ADGRL3: variants seen among roughly 807,000 people sequenced by gnomAD.
ADGRL3 encodes the protein calcium-independent alpha-latrotoxin receptor 3.
A neutral mutation model predicts 153.5 loss-of-function variants in ADGRL3; 62 were observed. The observed-to-expected ratio is 0.40, with a 90% CI of 0.33 to 0.50. ADGRL3 has a LOEUF of 0.50. Ranked by LOEUF, ADGRL3 falls within the 20% of genes least tolerant of loss-of-function variation. The pLI is 0.47. For missense variants in ADGRL3, 1,641 were observed against 1,859.4 expected (o/e 0.88, Z 2.16); for synonymous variants, 710 against 672.5 (o/e 1.06, Z -0.86).
At chr4:61,477,877 A>T (rs1366413985) in intron 2 of ADGRL3, among the ~76,000 whole-genome samples, 1 of 152,022 alleles carries the variant, frequency 6.6e-6, no homozygotes, top group East Asian at 1.9e-4. Flanking sequence ...TGTGGAAAAA[A>T]CTTGTCAATT....
chr4:61,885,546 A>G (rs2098533620), intron 9 of ADGRL3, among the ~76,000 whole-genome samples: 1 of 152,170 alleles, frequency 6.6e-6, no homozygotes, highest in Admixed American at 6.5e-5. Flanking sequence ...TGTTCAGAAT[A>G]TTGCCGGGCC....
At position 61,949,841 on chromosome 4, in the gene ADGRL3, T is replaced by C. The variant is rs540319188; in HGVS notation, c.2805+1565T>C. 1.6e-3 allele frequency among the ~76,000 whole-genome samples: 239 copies of C among 152,340 alleles called. 3 individuals carry two copies. Among genetic ancestry groups the C allele is most frequent in the Non-Finnish European group, 3.7e-4 (25 of 68,030 alleles). On this transcript the variant is annotated intron_variant, in intron 17 of 26. Coordinates refer to ENST00000683033, the MANE Select transcript of ADGRL3 (RefSeq NM_001387552.1). ...TATTTGTCATTAGAACTAGCATTGG[T>C]ATTTTGCTTTGGTAGGGAAAAGCAC...
chr4:61,686,423 C>T (rs1016802275), intron 6 of ADGRL3, among the ~76,000 whole-genome samples: 7 of 152,008 alleles, frequency 4.6e-5, no homozygotes, highest in African/African-American at 1.7e-4. Context: ...CTACTCCAAT[C>T]ATGAATCTTA....
chr4:61,402,740 G>A (rs1322024842), intron 2 of ADGRL3, among the ~76,000 whole-genome samples: 2 of 152,130 alleles, frequency 1.3e-5, no homozygotes, highest in East Asian at 3.9e-4. Flanking sequence ...GCTGGCAACT[G>A]CCAGAAAGTT....
Position 62,010,260 on chromosome 4 carries a change from C to T in ADGRL3, c.3395+11995C>T, listed in dbSNP as rs545455556. ...AATGTTAGCTTGGTCCTTCTGCGAA[C>T]GAGGCCCCATGCTGAAGTTATCTAG... On this transcript the variant is annotated intron_variant, in intron 21 of 26. Coordinates refer to ENST00000683033, the MANE Select transcript of ADGRL3 (RefSeq NM_001387552.1). Among the ~76,000 whole-genome samples, 116 of 152,158 alleles carry T rather than the reference C, an allele frequency of 7.6e-4. 1 individual carries two copies. Among genetic ancestry groups the T allele is most frequent in the African/African-American group, 2.5e-3 (103 of 41,518 alleles).
At chr4:61,966,677 A>G (rs1388135239) in intron 17 of ADGRL3, among the ~76,000 whole-genome samples, 3 of 152,104 alleles carry the variant, frequency 2.0e-5, no homozygotes, top group South Asian at 2.1e-4. Flanking sequence ...AAATGAGCCC[A>G]GAAAACTCTG....
At chr4:61,543,596 A>C (rs1471995858) in intron 4 of ADGRL3, among the ~76,000 whole-genome samples, 1 of 152,170 alleles carries the variant, frequency 6.6e-6, no homozygotes, top group African/African-American at 2.4e-5. Context: ...TAGAAAACTT[A>C]ATACATTCTC....
intron 8 of ADGRL3, among the ~76,000 whole-genome samples, chr4:61,804,594 C>T (rs1045398345): frequency 6.6e-6 from 1 of 152,162 alleles, no homozygotes; most frequent in African/African-American, 2.4e-5. Context: ...TTTCACTCTT[C>T]TCTCAGCTAA....
At chr4:61,338,377 A>G (rs1179812917) in intron 1 of ADGRL3, among the ~76,000 whole-genome samples, 1 of 142,758 alleles carries the variant, frequency 7.0e-6, no homozygotes, top group Non-Finnish European at 1.5e-5. Flanking sequence ...TAGTATGATT[A>G]TCATTCAGTG....
chr4:62,063,396 G>A, intron 25 of ADGRL3: 2 of 531,840 alleles, frequency 3.8e-6, no homozygotes, highest in East Asian at 2.9e-5. Flanking sequence ...CCTGTAATCA[G>A]GACTGTATCA....
intron 1 of ADGRL3, among the ~76,000 whole-genome samples, chr4:61,203,624 T>C (rs192141010): frequency 1.3e-5 from 2 of 152,234 alleles, no homozygotes; most frequent in Admixed American, 1.3e-4. Flanking sequence ...AAGAATGTCA[T>C]CGTAGAATCT....
At chr4:61,572,467 C>T (rs955424955) in intron 4 of ADGRL3, among the ~76,000 whole-genome samples, 10 of 151,984 alleles carry the variant, frequency 6.6e-5, no homozygotes, top group South Asian at 6.2e-4. Context: ...TAAAATTCTT[C>T]GTGTACCCAG....
intron 1 of ADGRL3, among the ~76,000 whole-genome samples, chr4:61,298,565 T>G (rs1034166219): frequency 6.6e-6 from 1 of 152,210 alleles, no homozygotes; most frequent in Non-Finnish European, 1.5e-5. Context: ...CATTCTCTGC[T>G]CTGCACACAA....
intron 8 of ADGRL3, among the ~76,000 whole-genome samples, chr4:61,763,836 A>T (rs1380554406): frequency 2.6e-5 from 4 of 152,136 alleles, no homozygotes; most frequent in African/African-American, 9.7e-5. Context: ...ACATAGTATA[A>T]TACCAAACAA....
intron 2 of ADGRL3, among the ~76,000 whole-genome samples, chr4:61,398,251 GA>G (rs1053405560): frequency 6.6e-6 from 1 of 150,508 alleles, no homozygotes; most frequent in Non-Finnish European, 1.5e-5. Context: ...ACTTTAAAAA[GA>G]AAAAAATGAT....
chr4:61,367,163 T>G (rs1202832048), intron 1 of ADGRL3, among the ~76,000 whole-genome samples: 2 of 152,104 alleles, frequency 1.3e-5, no homozygotes, highest in Non-Finnish European at 2.9e-5. Context: ...TTGCCAAACA[T>G]TAGAAGAAAA....
intron 9 of ADGRL3, among the ~76,000 whole-genome samples, chr4:61,847,765 A>ATATAT (rs1491422966): frequency 1.2e-4 from 4 of 34,098 alleles, no homozygotes; most frequent in African/African-American, 6.1e-4. Context: ...ATAATACAAA[A>ATATAT]TATATATATA....
chr4:61,955,216 GTAAC>G (rs928248882), intron 17 of ADGRL3, among the ~76,000 whole-genome samples: 7 of 152,122 alleles, frequency 4.6e-5, no homozygotes, highest in African/African-American at 1.7e-4. Flanking sequence ...AAAATACTGA[GTAAC>G]TATTTTTCAG....
chr4:61,262,731 T>G (rs1418519240), intron 1 of ADGRL3, among the ~76,000 whole-genome samples: 1 of 152,154 alleles, frequency 6.6e-6, no homozygotes, highest in Non-Finnish European at 1.5e-5. Context: ...TCTCTCTCTC[T>G]AATTTTGTTC....
Sources: gnomAD v4.1 joint callset for allele counts (sites outside exome capture counted in the v4.1 genomes callset) on GRCh38, gnomAD v4.1.1 for gene constraint, MANE v1.5 for transcripts, NCBI Gene and HGNC (gene_info 2026-07-23, HGNC 2026-07-21) for gene names.